The following AHNAK variants were observed in gnomAD, a reference collection of about 807,000 sequenced individuals.
AHNAK encodes neuroblast differentiation-associated protein AHNAK.
AHNAK carries 23 observed loss-of-function variants against 37.8 expected under a neutral mutation model. The observed-to-expected ratio is 0.61, with a 90% confidence interval of 0.44 to 0.86. The LOEUF (loss-of-function observed/expected upper bound fraction) is 0.86, where lower values mean the gene tolerates loss of function less well. Among genes scored for constraint, AHNAK ranks in the 40% least tolerant of loss-of-function variants. The pLI, the probability that AHNAK is intolerant of heterozygous loss-of-function variation, is 0.00. For missense variants in AHNAK, 7,411 were observed against 7,319.4 expected, an observed-to-expected ratio of 1.01 and a Z score of -0.46; for synonymous variants, 2,481 against 2,636.3, an observed-to-expected ratio of 0.94 and a Z score of 1.80.
intron 5 of AHNAK, among the ~76,000 whole-genome samples, chr11:62,471,116 TG>T (rs1272080303): frequency 6.6e-6 from 1 of 152,096 alleles, no homozygotes; most frequent in African/African-American, 2.4e-5. Context: ...CATGGGGAGG[TG>T]GCACACCTCA....
At chr11:62,444,930 C>T (rs921934529) in intron 5 of AHNAK, among the ~76,000 whole-genome samples, 4 of 150,928 alleles carry the variant, frequency 2.7e-5, no homozygotes, top group Non-Finnish European at 2.9e-5. Context: ...ATGGAAGCAG[C>T]TTTGCTGGGA....
intron 1 of AHNAK, among the ~76,000 whole-genome samples, chr11:62,541,327 A>T (rs892619750): frequency 6.6e-6 from 1 of 152,242 alleles, no homozygotes; most frequent in Non-Finnish European, 1.5e-5. Flanking sequence ...TACCGGCCAC[A>T]GTGAAACTTC....
At chr11:62,473,474 C>T (rs10897282) in intron 5 of AHNAK, among the ~76,000 whole-genome samples, 113,961 of 149,034 alleles carry the variant, frequency 0.76, 49,552 homozygotes, top group Non-Finnish European at 0.96. Flanking sequence ...GGCGGGTGGA[C>T]CACAAGGTCA....
chr11:62,464,398 T>C (rs1938860190), intron 5 of AHNAK, among the ~76,000 whole-genome samples: 1 of 151,476 alleles, frequency 6.6e-6, no homozygotes, highest in Non-Finnish European at 1.5e-5. Flanking sequence ...GCTGGGCACC[T>C]GGCTCACGCC....
intron 4 of AHNAK, among the ~76,000 whole-genome samples, chr11:62,503,365 G>A (rs960631382): frequency 3.3e-5 from 5 of 152,240 alleles, no homozygotes; most frequent in Admixed American, 3.3e-4. Context: ...AAGGCGGGGG[G>A]ATCCTGGGTA....
Position 62,532,995 on chromosome 11 carries a change from A to C in AHNAK, c.1422T>G (p.Ile474Met). 6.2e-7 allele frequency: 1 copy of C among 1,614,134 alleles called. No individual in the cohort carries two copies. The highest frequency in any genetic ancestry group is 2.2e-5 in the East Asian group (1 of 44,894). ...GVSGDVSLPE[I>M]ATGGLEGKMK... ...TCTTTCCTTCCAGCCCACCAGTAGC[A>C]ATCTCAGGCAGGCTGACATCCCCAG... Residue 474 changes from isoleucine (I) to methionine (M), a missense_variant, in exon 5 of 5, where the codon ATT (isoleucine) becomes ATG (methionine). Ile to Met is a conservative substitution (Grantham distance 10, BLOSUM62 1). Coordinates refer to ENST00000378024, the MANE Select transcript of AHNAK (RefSeq NM_001620.3).
rs1423046001 is a variant in AHNAK at position 62,526,322 on chromosome 11, C to G, written c.8095G>C (p.Glu2699Gln). The G allele has an allele frequency of 6.2e-7, 1 of 1,613,664 alleles. No individual in the cohort carries two copies. Among genetic ancestry groups the G allele is most frequent in the Non-Finnish European group, 8.5e-7 (1 of 1,179,878 alleles). Residue 2699 changes from glutamate to glutamine, a missense_variant, in exon 5 of 5, where the codon GAG becomes CAG. By Grantham distance (29) the Glu-to-Gln change is conservative (BLOSUM62 2). Coordinates refer to ENST00000378024, the MANE Select transcript of AHNAK (RefSeq NM_001620.3). ...KLKGPKFKMPEMNIKAPKISM... is the reference protein window; with the variant it reads ...KLKGPKFKMPQMNIKAPKISM... ...ATCTTGGGGGCTTTGATATTCATCT[C>G]TGGCATCTTGAACTTAGGCCCTTTC...
chr11:62,480,663 AAAAAG>A (rs879723385), intron 5 of AHNAK, among the ~76,000 whole-genome samples: 42 of 151,810 alleles, frequency 2.8e-4, no homozygotes, highest in African/African-American at 3.6e-4. Flanking sequence ...TCTATCTCAA[AAAAAG>A]AAAAGAAAAG....
chr11:62,539,067 TG>T (rs1381662683), intron 1 of AHNAK, among the ~76,000 whole-genome samples: 2 of 152,204 alleles, frequency 1.3e-5, no homozygotes, highest in African/African-American at 4.8e-5. Flanking sequence ...TCTGAGCCTC[TG>T]GGCTCAGGTG....
At chr11:62,483,404 A>C (rs1939315212) in intron 5 of AHNAK, among the ~76,000 whole-genome samples, 1 of 135,544 alleles carries the variant, frequency 7.4e-6, no homozygotes, top group South Asian at 2.3e-4. Context: ...CTGTGCCAAA[A>C]TGATCTACAC....
intron 5 of AHNAK, among the ~76,000 whole-genome samples, chr11:62,434,554 G>A (rs140161179): frequency 1.4e-4 from 22 of 152,218 alleles, no homozygotes; most frequent in African/African-American, 4.6e-4. Flanking sequence ...CACCTCCCAC[G>A]TGGGCCTGCA....
chr11:62,538,317 G>A (rs1039744464), intron 1 of AHNAK, among the ~76,000 whole-genome samples: 2 of 152,178 alleles, frequency 1.3e-5, no homozygotes, highest in Non-Finnish European at 2.9e-5. Context: ...CCTGAGCCAG[G>A]CCCTTATAGG....
rs572292776 is a variant in AHNAK at position 62,522,720 on chromosome 11, T to G, written c.11697A>C (p.Glu3899Asp). ...GDMDVSLPKVEGDMQVPDLDI... is the reference protein window; with the variant it reads ...GDMDVSLPKVDGDMQVPDLDI... The stretch of plus-strand genomic sequence containing the variant: ...CCAAGTCAGGAACTTGCATGTCACC[T>G]TCCACTTTTGGCAGAGACACATCCA... Residue 3899 changes from glutamate (E) to aspartate (D), a missense_variant, in exon 5 of 5, where the codon GAA (glutamate) becomes GAC (aspartate). Coordinates refer to ENST00000378024, the MANE Select transcript of AHNAK (RefSeq NM_001620.3). The G allele has an allele frequency of 6.2e-7, 1 of 1,613,368 alleles. No homozygotes were observed. Among genetic ancestry groups the G allele is most frequent in the African/African-American group, 1.3e-5 (1 of 74,714 alleles).
At position 62,521,057 on chromosome 11, in the gene AHNAK, T is replaced by C. The variant is rs1236868483; in HGVS notation, c.13360A>G (p.Ile4454Val). Residue 4454 changes from isoleucine (I) to valine (V), a missense_variant, in exon 5 of 5, where the codon ATC becomes GTC. Transcript: ENST00000378024. ...GGCATAGAGATTTTGGGAGCTTTGA[T>C]GTTCATCTCAGGCATCTTAAATTTG... The part of the protein sequence containing the change: ...GPKFKMPEMN[I>V]KAPKISMPDF... The C allele has an allele frequency of 6.2e-7, 1 of 1,613,864 alleles. No homozygotes were observed. Among genetic ancestry groups the C allele is most frequent in the Non-Finnish European group, 8.5e-7 (1 of 1,179,984 alleles).
At chr11:62,452,365 C>A (rs1261085505) in intron 5 of AHNAK, among the ~76,000 whole-genome samples, 1 of 152,190 alleles carries the variant, frequency 6.6e-6, no homozygotes, top group East Asian at 1.9e-4. Flanking sequence ...CCGTCCCGCT[C>A]TGGAACTCGT....
Position 62,533,569 on chromosome 11 carries a change from G to A in AHNAK, c.848C>T (p.Ser283Phe), listed in dbSNP as rs1199838556. 6.2e-7 allele frequency: 1 copy of A among 1,614,112 alleles called. No individual in the cohort carries two copies. The highest frequency in any genetic ancestry group is 8.5e-7 in the Non-Finnish European group (1 of 1,180,012). The change falls in exon 5 of 5, where the codon TCT becomes TTT. Residue 283 changes from serine to phenylalanine, a missense_variant. Ser to Phe is a radical substitution (Grantham distance 155). Coordinates refer to ENST00000378024, the MANE Select transcript of AHNAK (RefSeq NM_001620.3). ...VQVPAVDISS[S>F]LGGRAVEVQG... Reference sequence around the variant, plus strand: ...TACCTCTACTGCCCTACCCCCAAGAGAAGATGAAATGTCCACTGCTGGAAC... The same window carrying A: ...TACCTCTACTGCCCTACCCCCAAGAAAAGATGAAATGTCCACTGCTGGAAC...
At position 62,504,440 on chromosome 11, in the gene AHNAK, C is replaced by G. The variant is rs143618416; in HGVS notation, c.343-12609G>C. ...TTTAGACAATCCGCACTGGCTGCCT[C>G]CACTCTCTCATCTGACTTCCCTATC... On this transcript the variant is annotated intron_variant, in intron 4 of 5. Transcript: ENST00000257247. Among the ~76,000 whole-genome samples, 881 of 152,218 alleles carry G rather than the reference C, an allele frequency of 5.8e-3. 4 individuals carry two copies. The highest frequency in any genetic ancestry group is 0.02 in the African/African-American group (835 of 41,520).
At chr11:62,479,673 T>C (rs572275272) in intron 5 of AHNAK, among the ~76,000 whole-genome samples, 12 of 152,210 alleles carry the variant, frequency 7.9e-5, no homozygotes, top group South Asian at 6.2e-4. Flanking sequence ...GAATACCCCA[T>C]ACAAGCAGCA....
Position 62,529,827 on chromosome 11 carries a change from C to A in AHNAK, c.4590G>T (p.Val1530=), listed in dbSNP as rs114416356. Residue 1530 remains valine, a synonymous_variant, in exon 5 of 5, where the codon GTG becomes GTT. Coordinates refer to ENST00000378024, the MANE Select transcript of AHNAK (RefSeq NM_001620.3). ...GGTCAGCCTTGGGCAGGTTCATATCCACCTCTGGGCCCTCTCCTTTAAAGC... is the reference window on the plus strand; with the variant it reads ...GGTCAGCCTTGGGCAGGTTCATATCAACCTCTGGGCCCTCTCCTTTAAAGC... ...MPGFKGEGPE[V]DMNLPKADLG... The A allele has an allele frequency of 5.5e-5, 88 of 1,614,090 alleles. No homozygotes were observed. In the African/African-American group the frequency reaches 1.0e-3, roughly 19 times the overall value.
Sources: allele counts gnomAD v4.1 joint callset (sites outside exome capture counted in the v4.1 genomes callset), GRCh38; gene constraint gnomAD v4.1.1; transcripts MANE v1.5; gene names NCBI Gene and HGNC (gene_info 2026-07-23, HGNC 2026-07-21).